PRR5L: variants seen among roughly 807,000 people sequenced by gnomAD.
The protein encoded by PRR5L is proline-rich protein 5-like.
In PRR5L, 21 loss-of-function variants were observed where a neutral mutation model predicts 36.4. The ratio of observed to expected loss-of-function variants is 0.58; its 90% CI spans 0.41 to 0.83. PRR5L has a LOEUF of 0.83. Ranked by LOEUF, PRR5L falls within the 40% of genes least tolerant of loss-of-function variation. The probability of loss-of-function intolerance (pLI) is 0.00; values close to 1 mark genes in which losing one functional copy is unlikely to be tolerated. For missense variants in PRR5L, 381 were observed against 473.3 expected (o/e 0.80, Z 1.81); for synonymous variants, 188 against 197.0 (o/e 0.95, Z 0.38).
chr11:36,396,206 C>G (rs924631427), intron 1 of PRR5L: 7 of 152,256 alleles, frequency 4.6e-5, no homozygotes, highest in African/African-American at 9.6e-5. Context: ...CCTGACCTGA[C>G]AGCTTTCCAA....
intron 1 of PRR5L, among the ~76,000 whole-genome samples, chr11:36,358,467 G>C (rs912658940): frequency 6.6e-6 from 1 of 152,124 alleles, no homozygotes; most frequent in Non-Finnish European, 1.5e-5. Flanking sequence ...ACATTTTTTA[G>C]CCGTATTTTT....
intron 1 of PRR5L, among the ~76,000 whole-genome samples, chr11:36,331,686 C>A (rs558957239): frequency 3.3e-5 from 5 of 152,076 alleles, no homozygotes; most frequent in Admixed American, 6.6e-5. Flanking sequence ...ATTTTCAAAC[C>A]TTATAATAAA....
At chr11:36,450,066 C>T (rs1858912172) in intron 7 of PRR5L, among the ~76,000 whole-genome samples, 1 of 152,146 alleles carries the variant, frequency 6.6e-6, no homozygotes, top group South Asian at 2.1e-4. Flanking sequence ...CTCTCTCCCC[C>T]AGCCCCTGGC....
chr11:36,310,053 C>T (rs1051106931), intron 1 of PRR5L, among the ~76,000 whole-genome samples: 31 of 50,260 alleles, frequency 6.2e-4, no homozygotes, highest in Admixed American at 2.0e-3. Context: ...CCTGTTGTGT[C>T]CTCTCAAAAG....
chr11:36,407,723 G>T (rs1015022602), intron 3 of PRR5L, among the ~76,000 whole-genome samples: 1 of 152,168 alleles, frequency 6.6e-6, no homozygotes, highest in African/African-American at 2.4e-5. Flanking sequence ...GTATGTACCT[G>T]GGAAATACAA....
intron 4 of PRR5L, among the ~76,000 whole-genome samples, chr11:36,426,816 C>T (rs1364483618): frequency 6.6e-6 from 1 of 152,216 alleles, no homozygotes; most frequent in Non-Finnish European, 1.5e-5. Flanking sequence ...GGGACGGTAG[C>T]TAGCAGCCTT....
intron 1 of PRR5L, among the ~76,000 whole-genome samples, chr11:36,391,475 C>G (rs1857563245): frequency 6.6e-6 from 1 of 152,206 alleles, no homozygotes; most frequent in African/African-American, 2.4e-5. Context: ...TGTGATACCT[C>G]CCAGTAACCC....
intron 1 of PRR5L, chr11:36,323,341 C>G (rs1856630753): frequency 6.6e-6 from 1 of 152,228 alleles, no homozygotes; most frequent in African/African-American, 2.4e-5. Context: ...ATTGTGTTAC[C>G]TGTTACCGAC....
At chr11:36,439,738 C>A (rs1402547534) in intron 6 of PRR5L, among the ~76,000 whole-genome samples, 4 of 152,190 alleles carry the variant, frequency 2.6e-5, no homozygotes, top group Non-Finnish European at 4.4e-5. Flanking sequence ...TGCCTTCCTC[C>A]TCCTTTTTGT....
chr11:36,392,357 G>A (rs1857579677), intron 1 of PRR5L, among the ~76,000 whole-genome samples: 1 of 152,122 alleles, frequency 6.6e-6, no homozygotes, highest in Admixed American at 6.5e-5. Context: ...TGAATCATAT[G>A]GTAGCCCTAT....
chr11:36,402,993 T>G (rs980620671), intron 2 of PRR5L, among the ~76,000 whole-genome samples: 2 of 152,258 alleles, frequency 1.3e-5, no homozygotes, highest in African/African-American at 4.8e-5. Flanking sequence ...CCCAGGTCCA[T>G]GCAGTTTCCT....
chr11:36,333,522 A>G (rs1856739815), intron 1 of PRR5L, among the ~76,000 whole-genome samples: 1 of 152,364 alleles, frequency 6.6e-6, no homozygotes, highest in Admixed American at 6.5e-5. Context: ...TGGCACAACC[A>G]TACAACAGAA....
At chr11:36,439,874 T>C (rs1483421688) in intron 6 of PRR5L, among the ~76,000 whole-genome samples, 1 of 151,916 alleles carries the variant, frequency 6.6e-6, no homozygotes, top group Non-Finnish European at 1.5e-5. Flanking sequence ...TGCACTGTTA[T>C]TTTTTTTGGA....
chr11:36,439,566 C>T (rs1264000924), intron 6 of PRR5L, among the ~76,000 whole-genome samples: 1 of 152,138 alleles, frequency 6.6e-6, no homozygotes, highest in Non-Finnish European at 1.5e-5. Context: ...TGAGGCCATT[C>T]GCATGTGCTA....
At chr11:36,435,867 A>G (rs886735615) in intron 5 of PRR5L, among the ~76,000 whole-genome samples, 1 of 152,204 alleles carries the variant, frequency 6.6e-6, no homozygotes, top group African/African-American at 2.4e-5. Flanking sequence ...ATTCACGCAA[A>G]GATTTTAAAA....
chr11:36,461,990 C>A (rs962009272), intron 8 of PRR5L, among the ~76,000 whole-genome samples: 17 of 152,152 alleles, frequency 1.1e-4, no homozygotes, highest in African/African-American at 3.9e-4. Flanking sequence ...ATGCTCAGGT[C>A]CTCAGAGGAC....
chr11:36,384,434 C>T lies in PRR5L; in HGVS notation c.-125-16563C>T, dbSNP rs148037542. Among the ~76,000 whole-genome samples the T allele has an allele frequency of 1.3e-3, 197 of 152,244 alleles. 2 individuals carry two copies. The East Asian group carries it at 0.027, about 21-fold the overall frequency. On this transcript the variant is annotated intron_variant, in intron 1 of 8. Coordinates refer to ENST00000530639, the MANE Select transcript of PRR5L (RefSeq NM_001160167.2). Reference sequence around the variant, plus strand: ...GGAGAAGATGATTTATTCTTCTTTGCCCCCTGTAACTTCCTTTACTCAGAT... The same window carrying T: ...GGAGAAGATGATTTATTCTTCTTTGTCCCCTGTAACTTCCTTTACTCAGAT...
chr11:36,316,321 C>T (rs951630104), intron 1 of PRR5L, among the ~76,000 whole-genome samples: 2 of 152,200 alleles, frequency 1.3e-5, no homozygotes, highest in African/African-American at 4.8e-5. Flanking sequence ...GATGGGTTCA[C>T]CTTGCCCACT....
intron 2 of PRR5L, among the ~76,000 whole-genome samples, chr11:36,401,711 G>A (rs1284977495): frequency 6.6e-6 from 1 of 152,198 alleles, no homozygotes; most frequent in Non-Finnish European, 1.5e-5. Flanking sequence ...GGGATTATGG[G>A]TGTGAGCTAC....
Sources: allele counts gnomAD v4.1 joint callset (sites outside exome capture counted in the v4.1 genomes callset), GRCh38; gene constraint gnomAD v4.1.1; transcripts MANE v1.5; gene names NCBI Gene and HGNC (gene_info 2026-07-23, HGNC 2026-07-21).